Variants in EPG5 observed in about 807,000 individuals in gnomAD.
EPG5 encodes ectopic P granules protein 5 homolog.
Under a neutral mutation model 302.7 loss-of-function variants are expected in EPG5, and 159 were observed. That is an observed-to-expected ratio of 0.53 (90% CI 0.46 to 0.60). The LOEUF is 0.60. Ranked by LOEUF, EPG5 falls within the 20% of genes least tolerant of loss-of-function variation. The pLI, the probability that EPG5 is intolerant of heterozygous loss-of-function variation, is 0.00. For missense variants in EPG5, 2,896 were observed against 3,092.4 expected, an observed-to-expected ratio of 0.94 and a Z score of 1.51; for synonymous variants, 1,158 against 1,136.8, an observed-to-expected ratio of 1.02 and a Z score of -0.37.
chr18:45,908,323 G>A (rs1345363762), intron 23 of EPG5, among the ~76,000 whole-genome samples: 2 of 152,040 alleles, frequency 1.3e-5, no homozygotes, highest in Admixed American at 6.6e-5. Flanking sequence ...AAGGGGCTCT[G>A]ACAACAATTC....
chr18:45,953,875 C>G, intron 2 of EPG5: 1 of 985,348 alleles, frequency 1.0e-6, no homozygotes, highest in African/African-American at 1.7e-5. Context: ...ATAACACCTT[C>G]AGTTTCCTCA....
At chr18:45,891,866 C>T (rs2049359518) in intron 27 of EPG5, among the ~76,000 whole-genome samples, 1 of 152,070 alleles carries the variant, frequency 6.6e-6, no homozygotes, top group Non-Finnish European at 1.5e-5. Context: ...TTTCAAATAA[C>T]AGACCAATGT....
chr18:45,925,823 C>A lies in EPG5; in HGVS notation c.2633G>T (p.Trp878Leu), dbSNP rs1224629580. Reference sequence around the variant, plus strand: ...CACTGTCAGGTTGTAATTCAATAACCAATCCCGAATCACCGCTATCTCAGA... The same window carrying A: ...CACTGTCAGGTTGTAATTCAATAACAAATCCCGAATCACCGCTATCTCAGA... ...SASEIAVIRD[W>L]LLNYNLTVVK... The change falls in exon 14 of 44, where the codon TGG (tryptophan) becomes TTG (leucine). Residue 878 changes from tryptophan to leucine, a missense_variant. By Grantham distance (61) the Trp-to-Leu change is moderately conservative (BLOSUM62 -2). Coordinates refer to ENST00000282041, the MANE Select transcript of EPG5 (RefSeq NM_020964.3). 1.3e-6 allele frequency: 2 copies of A among 1,585,738 alleles called. No individual in the cohort carries two copies. The highest frequency in any genetic ancestry group is 1.7e-6 in the Non-Finnish European group (2 of 1,168,274).
rs1243011266 is a variant in EPG5, at chr18:45,954,570, C to T, written c.832G>A (p.Glu278Lys). 6.2e-7 allele frequency: 1 copy of T among 1,614,100 alleles called. No homozygotes were observed. The highest frequency in any genetic ancestry group is 8.5e-7 in the Non-Finnish European group (1 of 1,180,042). Reference protein sequence around the residue: ...WLENVESYLEEFDSMAHQDRH... With the variant: ...WLENVESYLEKFDSMAHQDRH... ...TCTTGATGAGCCATGCTGTCAAATT[C>T]TTCTAAATATGACTCAACATTTTCC... Residue 278 changes from glutamate (E) to lysine (K), a missense_variant, in exon 2 of 44, where the codon GAA (glutamate) becomes AAA (lysine). By Grantham distance (56) the Glu-to-Lys change is moderately conservative. Coordinates refer to ENST00000282041, the MANE Select transcript of EPG5 (RefSeq NM_020964.3).
rs1232061817 is a variant in EPG5 at position 45,954,872 on chromosome 18, T to C, written c.530A>G (p.Asn177Ser). ...CAGGCCTTGTTTGTCTTCTTTACTA[T>C]TCTGAGTTTCTCTGACTTGTATATT... ...MENIQVRETQNSKEDKQGLVC... is the reference protein window; with the variant it reads ...MENIQVRETQSSKEDKQGLVC... Residue 177 changes from asparagine to serine, a missense_variant, in exon 2 of 44, where the codon AAT (asparagine) becomes AGT (serine). By Grantham distance (46) the Asn-to-Ser change is conservative. Coordinates refer to ENST00000282041, the MANE Select transcript of EPG5 (RefSeq NM_020964.3). The C allele has an allele frequency of 6.2e-7, 1 of 1,614,156 alleles. No individual in the cohort carries two copies. The highest frequency in any genetic ancestry group is 8.5e-7 in the Non-Finnish European group (1 of 1,180,016).
intron 14 of EPG5, among the ~76,000 whole-genome samples, chr18:45,924,628 CA>C (rs1435747038): frequency 5.9e-5 from 9 of 152,236 alleles, no homozygotes; most frequent in African/African-American, 1.9e-4. Context: ...GGTCTTTTAA[CA>C]GTGAAAATCA....
At position 45,892,036 on chromosome 18, in the gene EPG5, GGAAGACACAGAAT is replaced by G. The variant is rs1386479544; in HGVS notation, c.4810-2109_4810-2097del. ...AAAAGAGAGAATCTGAGATAAGGAAGGAAGACACAGAATGAAGGGAGGTGGAAAGGCAAAGGAT... is the reference window on the plus strand; with the variant it reads ...AAAAGAGAGAATCTGAGATAAGGAAGGAAGGGAGGTGGAAAGGCAAAGGAT... On this transcript the variant is annotated intron_variant, in intron 27 of 43. Coordinates refer to ENST00000282041, the MANE Select transcript of EPG5 (RefSeq NM_020964.3). Among the ~76,000 whole-genome samples the G allele has an allele frequency of 3.3e-5, 5 of 152,150 alleles. No individual in the cohort carries two copies. The East Asian group carries it at 9.6e-4, about 29-fold the overall frequency.
intron 30 of EPG5, among the ~76,000 whole-genome samples, chr18:45,884,181 G>A (rs771468697): frequency 5.9e-5 from 9 of 151,990 alleles, no homozygotes; most frequent in Non-Finnish European, 1.3e-4. Context: ...TATACAACAG[G>A]GATCCCCAAG....
At chr18:45,844,334 G>T (rs952795318), downstream of EPG5, among the ~76,000 whole-genome samples, 1 of 152,098 alleles carries the variant, frequency 6.6e-6, no homozygotes, top group African/African-American at 2.4e-5. Context: ...GAACGAATAA[G>T]ATCTAGTATT....
Position 45,939,665 on chromosome 18 carries a change from C to G in EPG5, c.2034G>C (p.Glu678Asp), listed in dbSNP as rs1245281353. 3.1e-6 allele frequency: 5 copies of G among 1,614,148 alleles called. No individual in the cohort carries two copies. The highest frequency in any genetic ancestry group is 4.2e-6 in the Non-Finnish European group (5 of 1,180,014). ...SGLAQQPYSM[E>D]KLQVEFDELF... is the part of the protein sequence containing the mutation. Reference sequence around the variant, plus strand: ...GTTCATCAAATTCAACCTGTAGTTTCTCCATAGAGTAGGGCTGTTGGGCCA... The same window carrying G: ...GTTCATCAAATTCAACCTGTAGTTTGTCCATAGAGTAGGGCTGTTGGGCCA... The change falls in exon 10 of 44, where the codon GAG becomes GAC. Residue 678 changes from glutamate (E) to aspartate (D), a missense_variant. Glu to Asp is a conservative substitution (Grantham distance 45, BLOSUM62 2). Coordinates refer to ENST00000282041, the MANE Select transcript of EPG5 (RefSeq NM_020964.3).
Position 45,930,772 on chromosome 18 carries a change from C to T in EPG5, c.2316G>A (p.Glu772=), listed in dbSNP as rs1306800052. ...KCLSSMNSSE[E]ICLLTTFAQM... Reference sequence around the variant, plus strand: ...GAGCAAAGGTAGTCAGAAGGCAAATCTCTTCTGAGCTATTCATAGAAGAAA... The same window carrying T: ...GAGCAAAGGTAGTCAGAAGGCAAATTTCTTCTGAGCTATTCATAGAAGAAA... Residue 772 remains glutamate, a synonymous_variant, in exon 12 of 44, where the codon GAG becomes GAA. Transcript: ENST00000282041. 4 of 1,611,092 alleles carry T rather than the reference C, an allele frequency of 2.5e-6. No homozygotes were observed. The highest frequency in any genetic ancestry group is 2.7e-5 in the African/African-American group (2 of 74,762).
chr18:45,959,380 C>T (rs903927996), intron 1 of EPG5, among the ~76,000 whole-genome samples: 3 of 152,024 alleles, frequency 2.0e-5, no homozygotes, highest in South Asian at 4.1e-4. Flanking sequence ...GCATGGGCGG[C>T]TCACACCTGT....
At chr18:45,858,426 CA>C in intron 41 of EPG5, 139 bp downstream of exon 41, 1 of 677,732 alleles carries the variant, frequency 1.5e-6, no homozygotes, top group Non-Finnish European at 2.5e-6. Context: ...AGAATCTTTC[CA>C]AAACAACTGT....
intron 39 of EPG5, among the ~76,000 whole-genome samples, chr18:45,860,644 A>T (rs554729640): frequency 6.6e-6 from 1 of 152,352 alleles, no homozygotes; most frequent in South Asian, 2.1e-4. Context: ...AGAGTAACTT[A>T]TCAGAACATG....
chr18:45,882,956 G>A (rs1192110450), intron 30 of EPG5, among the ~76,000 whole-genome samples: 1 of 147,664 alleles, frequency 6.8e-6, no homozygotes, highest in Non-Finnish European at 1.5e-5. Flanking sequence ...GCAGTGAGCC[G>A]AGATCACGCC....
chr18:45,910,765 C>T (rs768517950), intron 22 of EPG5, 23 bp from the exon 23 acceptor site: 1 of 1,579,740 alleles, frequency 6.3e-7, no homozygotes, highest in South Asian at 1.1e-5. Context: ...AAGCACAGAT[C>T]TATAACCTTT....
At chr18:45,839,682 G>A in the EPG5 span, among the ~76,000 whole-genome samples, 1 of 152,116 alleles carries the variant, frequency 6.6e-6, no homozygotes, top group Non-Finnish European at 1.5e-5. Context: ...ATAAAAATAT[G>A]TAAGTAGGCA....
Position 45,959,275 on chromosome 18 carries a change from A to C in EPG5, c.64-3937T>G, listed in dbSNP as rs187808822. Among the ~76,000 whole-genome samples, 155 of 152,142 alleles carry C rather than the reference A, an allele frequency of 1.0e-3. 1 individual carries two copies. Among genetic ancestry groups the C allele is most frequent in the African/African-American group, 3.6e-3 (148 of 41,502 alleles). ...AGAATTGCTTGAACCCGGGAGGCGG[A>C]GGTTGCAGTGAGCCGAGATCTGGCC... On this transcript the variant is annotated intron_variant, in intron 1 of 43. Transcript: ENST00000282041.
At chr18:45,817,897 AAGG>A in the EPG5 span, among the ~76,000 whole-genome samples, 1 of 152,230 alleles carries the variant, frequency 6.6e-6, no homozygotes. Flanking sequence ...GGAAAGAAGG[AAGG>A]AGTATACTTG....
Sources: gnomAD v4.1 joint callset for allele counts (sites outside exome capture counted in the v4.1 genomes callset) on GRCh38, gnomAD v4.1.1 for gene constraint, MANE v1.5 for transcripts, NCBI Gene and HGNC (gene_info 2026-07-23, HGNC 2026-07-21) for gene names.